Variants in PEDS1 observed in about 807,000 individuals in gnomAD.
PEDS1 encodes CarF homolog.
In PEDS1, 14 loss-of-function variants were observed where a neutral mutation model predicts 35.2. The ratio of observed to expected loss-of-function variants is 0.40; its 90% CI spans 0.26 to 0.62. The LOEUF (loss-of-function observed/expected upper bound fraction) is 0.62. PEDS1 is among the 20% of genes least tolerant of loss of function. The pLI is 0.44. For missense variants in PEDS1, 260 were observed against 367.8 expected (o/e 0.71, Z 2.40); for synonymous variants, 152 against 152.0 (o/e 1.00, Z 0.00).
In PEDS1 at chr20:50,119,435, C is replaced by CAAAAAAA. The variant is rs61641243; in HGVS notation, c.*5616_*5622dup. Reference sequence around the variant, plus strand: ...CAGGTAATAGAGCAAGACTTTGTCTCAAAAAAAAAAAAAAAAAAAAGTCAA... The same window carrying CAAAAAAA: ...CAGGTAATAGAGCAAGACTTTGTCTCAAAAAAAAAAAAAAAAAAAAAAAAAAAGTCAA... On this transcript the variant is annotated 3_prime_UTR_variant, in exon 6 of 6. Coordinates refer to ENST00000371652, the MANE Select transcript of PEDS1 (RefSeq NM_199129.4). 1.3e-5 allele frequency: 1 copy of CAAAAAAA among 76,484 alleles called. No individual in the cohort carries two copies. The highest frequency in any genetic ancestry group is 2.6e-5 in the Non-Finnish European group (1 of 38,568). 4.7% of individuals were successfully genotyped at this position (76,484 alleles called of 1,614,324 possible). A position where few individuals can be genotyped will look rare whatever the true frequency, so the allele number is the denominator to read the frequency against.
chr20:50,130,724 G>T, intron 3 of PEDS1, 132 bp downstream of exon 3: 4 of 1,137,568 alleles, frequency 3.5e-6, no homozygotes, highest in Non-Finnish European at 5.0e-6. Flanking sequence ...GCAGCACAGG[G>T]GTGAGGGACA....
chr20:50,129,701 G>C lies in PEDS1; in HGVS notation c.334-11C>G. ...GGGTCGGATGAAAGCCTGGAGTTGA[G>C]GGGGACACAGCCCCAGCAGTCAGCC... On this transcript the variant is annotated splice_polypyrimidine_tract_variant and intron_variant, in intron 3 of 5. Coordinates refer to ENST00000371652, the MANE Select transcript of PEDS1 (RefSeq NM_199129.4). The surrounding 1 kb of genome is among the most constrained non-coding windows in gnomAD (Gnocchi z 4.2). The C allele has an allele frequency of 1.2e-6, 2 of 1,613,532 alleles. No individual in the cohort carries two copies. Among genetic ancestry groups the C allele is most frequent in the Non-Finnish European group, 1.7e-6 (2 of 1,179,950 alleles).
intron 1 of PEDS1, among the ~76,000 whole-genome samples, chr20:50,152,256 T>C (rs2081412153): frequency 6.6e-6 from 1 of 152,160 alleles, no homozygotes; most frequent in Non-Finnish European, 1.5e-5. Flanking sequence ...TGCCGCCTTT[T>C]AAGGAAGAGA....
chr20:50,143,913 G>A (rs951795881), intron 1 of PEDS1, among the ~76,000 whole-genome samples: 4 of 152,126 alleles, frequency 2.6e-5, no homozygotes, highest in African/African-American at 9.7e-5. Context: ...TGGCCAGGCT[G>A]GTCTTGAACT....
intron 2 of PEDS1, among the ~76,000 whole-genome samples, chr20:50,140,311 T>A (rs2081279654): frequency 6.6e-6 from 1 of 152,130 alleles, no homozygotes; most frequent in African/African-American, 2.4e-5. Flanking sequence ...TCCCTGGCTG[T>A]CCCCACCCCC....
At position 50,142,397 on chromosome 20, in the gene PEDS1, CTG is replaced by C. The variant is rs542707094; in HGVS notation, c.241+1103_241+1104del. 1.7e-3 allele frequency among the ~76,000 whole-genome samples: 254 copies of C among 152,282 alleles called. 1 individual carries two copies. Among genetic ancestry groups the C allele is most frequent in the South Asian group, 0.011 (54 of 4,818 alleles). ...GATAGATGATAAACAAATAAAGACACTGTGGACACAGTGTTAACAACAGAAAA... is the reference window on the plus strand; with the variant it reads ...GATAGATGATAAACAAATAAAGACACTGGACACAGTGTTAACAACAGAAAA... On this transcript the variant is annotated intron_variant, in intron 2 of 5. Transcript: ENST00000371652.
At position 50,128,066 on chromosome 20, in the gene PEDS1, G is replaced by A. The variant is rs1192410756; in HGVS notation, c.600C>T (p.Thr200=). Residue 200 remains threonine, a synonymous_variant, in exon 5 of 6, where the codon ACC becomes ACT. Transcript: ENST00000371652. The surrounding 1 kb of genome is among the most constrained non-coding windows in gnomAD (Gnocchi z 5.2). ...HTYFGLPRWV[T]LLQDWHVILP... ...GGATGACATGCCAGTCCTGCAGGAG[G>A]GTGACCCAGCGTGGCAGCCCAAAGT... The A allele has an allele frequency of 6.2e-7, 1 of 1,614,214 alleles. No homozygotes were observed. The highest frequency in any genetic ancestry group is 1.3e-5 in the African/African-American group (1 of 75,050).
chr20:50,143,590 G>A lies in PEDS1; in HGVS notation c.153C>T (p.Ile51=). The A allele has an allele frequency of 6.2e-7, 1 of 1,614,118 alleles. No individual in the cohort carries two copies. The highest frequency in any genetic ancestry group is 1.1e-5 in the South Asian group (1 of 91,056). Residue 51 remains isoleucine, a synonymous_variant, in exon 2 of 6, where the codon ATC becomes ATT. Coordinates refer to ENST00000371652, the MANE Select transcript of PEDS1 (RefSeq NM_199129.4). ...GKRLQEWCSV[I]LCFSLIAHNL... ...TGTGGGCGATGAGGCTGAAGCACAG[G>A]ATCACAGAGCACCACTCCTGGAGGC...
chr20:50,131,050 AG>A, intron 2 of PEDS1, 103 bp from the exon 3 acceptor site: 4 of 1,592,088 alleles, frequency 2.5e-6, no homozygotes, highest in Non-Finnish European at 3.4e-6. Flanking sequence ...TAGGAGGGGA[AG>A]GTGTCCCTTC....
chr20:50,136,639 C>T (rs1185594172), intron 2 of PEDS1, among the ~76,000 whole-genome samples: 2 of 143,250 alleles, frequency 1.4e-5, no homozygotes, highest in Non-Finnish European at 3.0e-5. Context: ...AGGAGAATCA[C>T]TTGAACCTGG....
Position 50,128,319 on chromosome 20 carries a change from T to C in PEDS1, c.479-132A>G. The C allele has an allele frequency of 8.8e-7, 1 of 1,135,046 alleles. No homozygotes were observed. Among genetic ancestry groups the C allele is most frequent in the Non-Finnish European group, 1.2e-6 (1 of 803,294 alleles). The allele number at this position is 1,135,046 out of a possible 1,614,324, so 70.3% of individuals were successfully genotyped here. On this transcript the variant is annotated intron_variant, in intron 4 of 5. Coordinates refer to ENST00000371652, the MANE Select transcript of PEDS1 (RefSeq NM_199129.4). This position sits in a 1 kb window ranked among gnomAD's most constrained non-coding sequence, Gnocchi z 5.2. ...GCACCCAGGATTCTCTTCCACCCCC[T>C]GCAGGGCCGCAGGCAAGCTCAGGTG...
rs556917753 is a variant in PEDS1, at chr20:50,123,837, T to A, written c.*1221A>T. On this transcript the variant is annotated 3_prime_UTR_variant, in exon 6 of 6. Transcript: ENST00000371652. ...GGTCAGCTCCACCAGGATAGGTCTT[T>A]GTTGGTTCTTTCACCGCTGTACCTG... 3 of 152,386 alleles carry A rather than the reference T, an allele frequency of 2.0e-5. No individual in the cohort carries two copies. The highest frequency in any genetic ancestry group is 6.5e-5 in the Admixed American group (1 of 15,306). 9.4% of individuals were successfully genotyped at this position (152,386 alleles called of 1,614,324 possible). A position where few individuals can be genotyped will look rare whatever the true frequency, so the allele number is the denominator to read the frequency against.
At chr20:50,151,853 C>A (rs562444021) in intron 1 of PEDS1, among the ~76,000 whole-genome samples, 1 of 152,098 alleles carries the variant, frequency 6.6e-6, no homozygotes, top group South Asian at 2.1e-4. Flanking sequence ...AGTGAGACTC[C>A]ATCTCAAAAC....
chr20:50,143,074 G>A (rs2081310755), intron 2 of PEDS1, among the ~76,000 whole-genome samples: 2 of 152,094 alleles, frequency 1.3e-5, no homozygotes, highest in Non-Finnish European at 2.9e-5. Context: ...GCTCTAGCAG[G>A]ATCCAGCTAG....
In PEDS1 at chr20:50,120,287, A is replaced by ACAAG. The variant is rs1401554948; in HGVS notation, c.*4770_*4771insCTTG. On this transcript the variant is annotated 3_prime_UTR_variant, in exon 6 of 6. Transcript: ENST00000371652. The stretch of plus-strand genomic sequence containing the variant: ...CTCTAAAAAACAAACAAACAAACAA[A>ACAAG]CAAACAAACAACCCACAAAAGCTTC... 1 of 218,026 alleles carries ACAAG rather than the reference A, an allele frequency of 4.6e-6. No individual in the cohort carries two copies. The highest frequency in any genetic ancestry group is 1.4e-4 in the East Asian group (1 of 7,054). 13.5% of individuals were successfully genotyped at this position (218,026 alleles called of 1,614,324 possible). A position where few individuals can be genotyped will look rare whatever the true frequency, so the allele number is the denominator to read the frequency against.
At chr20:50,147,754 T>G (rs908542081) in intron 1 of PEDS1, among the ~76,000 whole-genome samples, 2 of 152,144 alleles carry the variant, frequency 1.3e-5, no homozygotes, top group Non-Finnish European at 2.9e-5. Context: ...TTCTCATCCA[T>G]AAAGAATGCA....
At chr20:50,138,806 C>T (rs1043419763) in intron 2 of PEDS1, among the ~76,000 whole-genome samples, 11 of 152,212 alleles carry the variant, frequency 7.2e-5, no homozygotes, top group African/African-American at 2.7e-4. Flanking sequence ...GGGGCAGCTT[C>T]GGCTTGGTTA....
chr20:50,130,370 GTAGAGA>G (rs2081164673), intron 3 of PEDS1, among the ~76,000 whole-genome samples: 2 of 152,340 alleles, frequency 1.3e-5, no homozygotes, highest in African/African-American at 4.8e-5. Flanking sequence ...TGAGGGGAAA[GTAGAGA>G]TAGAGATGGA....
At chr20:50,147,598 G>A (rs1028102270) in intron 1 of PEDS1, among the ~76,000 whole-genome samples, 7 of 152,206 alleles carry the variant, frequency 4.6e-5, no homozygotes, top group East Asian at 1.9e-4. Context: ...TAGCCTGGAC[G>A]TTCGGGGCAG....
Sources: allele counts gnomAD v4.1 joint callset (sites outside exome capture counted in the v4.1 genomes callset), GRCh38; gene constraint gnomAD v4.1.1; non-coding constraint Gnocchi (gnomAD v3.1); transcripts MANE v1.5; gene names NCBI Gene and HGNC (gene_info 2026-07-23, HGNC 2026-07-21).